The following COX7A2L variants were observed in gnomAD, a reference collection of about 807,000 sequenced individuals.
The protein encoded by COX7A2L is cytochrome c oxidase subunit 7A2-like, mitochondrial.
Under a neutral mutation model 14.2 loss-of-function variants are expected in COX7A2L, and 18 were observed. The observed-to-expected ratio is 1.27, with a 90% CI of 0.88 to 1.88. The LOEUF (loss-of-function observed/expected upper bound fraction) is 1.88, where lower values mean the gene tolerates loss of function less well. Among genes scored for constraint, COX7A2L ranks in the 40% most tolerant of loss-of-function variants. COX7A2L has a pLI of 0.00. For missense variants in COX7A2L, 179 were observed against 138.8 expected, an observed-to-expected ratio of 1.29 and a Z score of -1.46; for synonymous variants, 65 against 57.4, an observed-to-expected ratio of 1.13 and a Z score of -0.60.
At position 42,349,793 on chromosome 2, in the gene COX7A2L, C is replaced by T. The variant is rs1670581906; in HGVS notation, c.*1426G>A. On this transcript the variant is annotated 3_prime_UTR_variant, in exon 3 of 3. Transcript: ENST00000234301. Reference sequence around the variant, plus strand: ...AACACATGTCCTTACTCAGAAGATACCTGCTAAAGTACTATGGCTGATTTA... The same window carrying T: ...AACACATGTCCTTACTCAGAAGATATCTGCTAAAGTACTATGGCTGATTTA... The T allele has an allele frequency of 6.6e-6, 1 of 152,150 alleles. No individual in the cohort carries two copies. Among genetic ancestry groups the T allele is most frequent in the Non-Finnish European group, 1.5e-5 (1 of 68,038 alleles). The allele number at this position is 152,150 out of a possible 1,614,324, so 9.4% of individuals were successfully genotyped here. A position where few individuals can be genotyped will look rare whatever the true frequency, so the allele number is the denominator to read the frequency against.
intron 1 of COX7A2L, among the ~76,000 whole-genome samples, chr2:42,357,289 G>A (rs17389750): frequency 0.12 from 17,832 of 152,120 alleles, 1,133 homozygotes; most frequent in South Asian, 0.25. Flanking sequence ...TCAATCTGCA[G>A]TGACTCAATT....
intron 1 of COX7A2L, among the ~76,000 whole-genome samples, chr2:42,357,379 G>A (rs896097568): frequency 1.3e-5 from 2 of 152,204 alleles, no homozygotes; most frequent in African/African-American, 4.8e-5. Flanking sequence ...ATTGATCACA[G>A]CTCACTGCAG....
chr2:42,366,205 G>A (rs557987152), upstream of COX7A2L, among the ~76,000 whole-genome samples: 8 of 152,238 alleles, frequency 5.3e-5, no homozygotes, highest in Admixed American at 2.0e-4. Context: ...CAAGACCAGC[G>A]GATCACTTGA....
Position 42,342,793 on chromosome 2 carries a change from G to GC in COX7A2L, c.193-8925dup, listed in dbSNP as rs138727332. The stretch of plus-strand genomic sequence containing the variant: ...AGAATGCTCTTCCTGGCCATTCAGC[G>GC]CCCCCCGTTTCGGGTTTTGCAGCAG... On this transcript the variant is annotated intron_variant, in intron 2 of 2. Coordinates refer to the COX7A2L transcript ENST00000468711. This position sits in a 1 kb window ranked among gnomAD's most constrained non-coding sequence, Gnocchi z 4.9. Among the ~76,000 whole-genome samples, 2 of 151,950 alleles carry GC rather than the reference G, an allele frequency of 1.3e-5. No homozygotes were observed. Among genetic ancestry groups the GC allele is most frequent in the Non-Finnish European group, 2.9e-5 (2 of 67,982 alleles).
At chr2:42,337,954 G>A (rs140758755) in intron 2 of COX7A2L, among the ~76,000 whole-genome samples, 2 of 152,288 alleles carry the variant, frequency 1.3e-5, no homozygotes, top group East Asian at 1.9e-4. Context: ...TGCTACCATG[G>A]GTCCCTGTGG....
chr2:42,362,950 T>C (rs753521093), upstream of COX7A2L, among the ~76,000 whole-genome samples: 34 of 150,642 alleles, frequency 2.3e-4, no homozygotes, highest in Non-Finnish European at 4.7e-4. Context: ...TCTCGGCTCA[T>C]TGCAGCCTTG....
chr2:42,338,076 C>T lies in COX7A2L; in HGVS notation c.193-4207G>A, dbSNP rs560887979. ...GGGACCATAGGGACAAGAGACGACC[C>T]GGGAGCACTAAGAATTCATCTTCTG... On this transcript the variant is annotated intron_variant, in intron 2 of 2. Transcript: ENST00000468711. This position sits in a 1 kb window ranked among gnomAD's most constrained non-coding sequence, Gnocchi z 4.4. 6.6e-6 allele frequency among the ~76,000 whole-genome samples: 1 copy of T among 152,266 alleles called. No homozygotes were observed. Among genetic ancestry groups the T allele is most frequent in the African/African-American group, 2.4e-5 (1 of 41,556 alleles).
Position 42,350,984 on chromosome 2 carries a change from G to T in COX7A2L, c.*235C>A. The T allele has an allele frequency of 5.2e-6, 2 of 381,250 alleles. No homozygotes were observed. Among genetic ancestry groups the T allele is most frequent in the Non-Finnish European group, 9.3e-6 (2 of 214,546 alleles). 23.6% of individuals were successfully genotyped at this position (381,250 alleles called of 1,614,324 possible). ...CATCCAGAACCTCCAGGGAAATCAGGAGCACAAACACAGAGCAAAGCACCA... is the reference window on the plus strand; with the variant it reads ...CATCCAGAACCTCCAGGGAAATCAGTAGCACAAACACAGAGCAAAGCACCA... On this transcript the variant is annotated 3_prime_UTR_variant, in exon 3 of 3. Transcript: ENST00000234301.
chr2:42,336,879 A>G (rs887979865), intron 2 of COX7A2L, among the ~76,000 whole-genome samples: 10 of 152,182 alleles, frequency 6.6e-5, no homozygotes, highest in Admixed American at 1.3e-4. Context: ...CATCAGATAT[A>G]TATTAAGAAC....
At chr2:42,365,301 C>A (rs1053425833), upstream of COX7A2L, among the ~76,000 whole-genome samples, 1 of 152,194 alleles carries the variant, frequency 6.6e-6, no homozygotes, top group Non-Finnish European at 1.5e-5. Context: ...AGTGAGCATA[C>A]ATGAGTTCTG....
chr2:42,355,717 CTTTTTTTTTTTTTTTTTT>C (rs386390054), intron 1 of COX7A2L, among the ~76,000 whole-genome samples: 2 of 69,048 alleles, frequency 2.9e-5, no homozygotes, highest in African/African-American at 1.2e-4. Flanking sequence ...ATCCTACGTT[CTTTTTTTTTTTTTTTTTT>C]TTTTTTTTGA....
At chr2:42,340,609 G>A (rs576216263) in intron 2 of COX7A2L, among the ~76,000 whole-genome samples, 3 of 151,352 alleles carry the variant, frequency 2.0e-5, no homozygotes, top group South Asian at 4.2e-4. Flanking sequence ...TCTTCTCCCC[G>A]ACCCCCCAGG....
chr2:42,352,929 T>G (rs1670692738), intron 2 of COX7A2L: 1 of 487,424 alleles, frequency 2.1e-6, no homozygotes, highest in Non-Finnish European at 3.6e-6. Context: ...TTATTGAGGC[T>G]ATTGCTTCTT....
chr2:42,361,176 G>A lies in COX7A2L; in HGVS notation c.-15C>T, dbSNP rs200842940. On this transcript the variant is annotated 5_prime_UTR_variant, in exon 1 of 3. Transcript: ENST00000234301. ...TTGTAGTACATGACGCCCAGAGTCC[G>A]GCTTCCCGCATCCGCTGCCAACGCG... is the stretch of plus-strand genomic sequence containing the variant. The A allele has an allele frequency of 1.1e-4, 169 of 1,599,614 alleles. 1 individual carries two copies. Among genetic ancestry groups the A allele is most frequent in the Middle Eastern group, 8.3e-4 (5 of 6,054 alleles).
chr2:42,361,320 C>T, upstream of COX7A2L: 2 of 640,514 alleles, frequency 3.1e-6, no homozygotes, highest in African/African-American at 1.9e-5. Flanking sequence ...ACACTTAAGC[C>T]GCATTGGGGA....
chr2:42,357,986 A>G (rs1227580892), intron 1 of COX7A2L, among the ~76,000 whole-genome samples: 2 of 152,266 alleles, frequency 1.3e-5, no homozygotes, highest in East Asian at 3.9e-4. Flanking sequence ...TTTACCTAGA[A>G]TACCATTCTG....
At chr2:42,356,220 A>G (rs928411928) in intron 1 of COX7A2L, among the ~76,000 whole-genome samples, 1 of 151,952 alleles carries the variant, frequency 6.6e-6, no homozygotes, top group Non-Finnish European at 1.5e-5. Context: ...CCAACCCCAT[A>G]AGTCACCTTT....
intron 2 of COX7A2L, among the ~76,000 whole-genome samples, chr2:42,341,738 C>G (rs1670407515): frequency 6.6e-6 from 1 of 152,180 alleles, no homozygotes. Context: ...ATTAGAATGA[C>G]AACTAATTGA....
chr2:42,347,644 G>A (rs764937508), downstream of COX7A2L, among the ~76,000 whole-genome samples: 6 of 152,258 alleles, frequency 3.9e-5, no homozygotes, highest in South Asian at 6.2e-4. Flanking sequence ...TGCGTTGGCC[G>A]GGCGTGGTGG....
Sources: gnomAD v4.1 joint callset for allele counts (sites outside exome capture counted in the v4.1 genomes callset) on GRCh38, gnomAD v4.1.1 for gene constraint, Gnocchi (gnomAD v3.1) non-coding constraint, MANE v1.5 for transcripts, NCBI Gene and HGNC (gene_info 2026-07-23, HGNC 2026-07-21) for gene names.